Variants in PDXDC1 observed in about 807,000 individuals in gnomAD.
PDXDC1 encodes pyridoxal-dependent decarboxylase domain-containing protein 1.
In PDXDC1, 42 loss-of-function variants were observed where a neutral mutation model predicts 100.1. The ratio of observed to expected loss-of-function variants is 0.42; its 90% CI spans 0.33 to 0.54. The LOEUF is 0.54. PDXDC1 is among the 20% of genes least tolerant of loss of function. The pLI, the probability that PDXDC1 is intolerant of heterozygous loss-of-function variation, is 0.10. For missense variants in PDXDC1, 636 were observed against 979.2 expected, an observed-to-expected ratio of 0.65 and a Z score of 4.68; for synonymous variants, 260 against 371.7, an observed-to-expected ratio of 0.70 and a Z score of 3.46.
At chr16:14,999,776 A>C (rs1407321196) in intron 3 of PDXDC1, among the ~76,000 whole-genome samples, 7 of 152,284 alleles carry the variant, frequency 4.6e-5, no homozygotes, top group Admixed American at 2.0e-4. Context: ...CAAAAAAGTA[A>C]GTAGCTGACT....
chr16:15,037,950 A>AGGATCCAGATCTGGAT lies in PDXDC1; in HGVS notation c.*1676_*1691dup. The AGGATCCAGATCTGGAT allele has an allele frequency of 2.1e-6, 2 of 974,604 alleles. No homozygotes were observed. The highest frequency in any genetic ancestry group is 3.1e-5 in the South Asian group (2 of 64,948). 60.4% of individuals were successfully genotyped at this position (974,604 alleles called of 1,614,324 possible). A position where few individuals can be genotyped will look rare whatever the true frequency, so the allele number is the denominator to read the frequency against. ...AGGAGGCCTAAGACCCAACAGATGT[A>AGGATCCAGATCTGGAT]GGATCCAGATCTGGATTCGTGCCAG... is the stretch of plus-strand genomic sequence containing the variant. On this transcript the variant is annotated 3_prime_UTR_variant, in exon 23 of 23. Transcript: ENST00000396410.
Position 15,065,413 on chromosome 16 carries a change from C to T in PDXDC1, c.1399+35357C>T, listed in dbSNP as rs143358246. Reference sequence around the variant, plus strand: ...CAACACAGACAGAGGCATTAACATGCTGGAGTGACTCGGTGCAGATGTGAG... The same window carrying T: ...CAACACAGACAGAGGCATTAACATGTTGGAGTGACTCGGTGCAGATGTGAG... On this transcript the variant is annotated intron_variant, in intron 16 of 16. Coordinates refer to the PDXDC1 transcript ENST00000535621. The T allele has an allele frequency of 8.8e-6, 14 of 1,585,056 alleles. No homozygotes were observed. The African/African-American group carries it at 1.5e-4, about 17-fold the overall frequency.
chr16:15,073,592 T>C (rs2045331878), intron 16 of PDXDC1, among the ~76,000 whole-genome samples: 1 of 152,208 alleles, frequency 6.6e-6, no homozygotes, highest in South Asian at 2.1e-4. Flanking sequence ...TCACACACTG[T>C]GGCAAGGTCA....
chr16:15,129,550 G>C (rs2047940378), intron 16 of PDXDC1, among the ~76,000 whole-genome samples: 1 of 151,748 alleles, frequency 6.6e-6, no homozygotes, highest in Non-Finnish European at 1.5e-5. Flanking sequence ...GCCTCCGTCT[G>C]AGAGACGAGC....
intron 4 of PDXDC1, among the ~76,000 whole-genome samples, chr16:15,003,290 C>T (rs1278803616): frequency 1.3e-5 from 2 of 150,024 alleles, no homozygotes; most frequent in Non-Finnish European, 2.9e-5. Context: ...CATTTCGGCT[C>T]ACTTCAAGCT....
intron 22 of PDXDC1, 124 bp downstream of exon 22, chr16:15,035,677 CTT>C (rs1597713874): frequency 1.6e-6 from 1 of 607,664 alleles, no homozygotes; most frequent in East Asian, 2.9e-5. Context: ...ACTACCATCT[CTT>C]TAACCATCTT....
intron 16 of PDXDC1, chr16:15,060,159 C>G: frequency 2.4e-6 from 1 of 420,066 alleles, no homozygotes; most frequent in Non-Finnish European, 4.7e-6. Flanking sequence ...ATGTAAATGT[C>G]TTTCTACATT....
At chr16:15,082,557 C>A (rs2045752215) in intron 16 of PDXDC1, among the ~76,000 whole-genome samples, 1 of 151,886 alleles carries the variant, frequency 6.6e-6, no homozygotes, top group Non-Finnish European at 1.5e-5. Flanking sequence ...TCTATAGTCC[C>A]ACCTACTCGG....
chr16:15,019,597 A>G (rs1386865976), intron 12 of PDXDC1, among the ~76,000 whole-genome samples: 6 of 152,282 alleles, frequency 3.9e-5, no homozygotes, highest in African/African-American at 7.2e-5. Flanking sequence ...AGGAGATTCC[A>G]TGTCGGGCCC....
At chr16:15,041,518 A>T (rs1484033989), downstream of PDXDC1, 1 of 816,288 alleles carries the variant, frequency 1.2e-6, no homozygotes, top group Non-Finnish European at 2.2e-6. Flanking sequence ...GATGGTGGCC[A>T]AGCAGTGACA....
intron 16 of PDXDC1, among the ~76,000 whole-genome samples, chr16:15,122,954 C>G (rs1372108638): frequency 6.7e-6 from 1 of 149,650 alleles, no homozygotes; most frequent in South Asian, 2.2e-4. Flanking sequence ...GGGAAAGGAT[C>G]CGGTTCAAAT....
At chr16:14,979,990 C>T (rs1417839969) in intron 1 of PDXDC1, among the ~76,000 whole-genome samples, 1 of 152,292 alleles carries the variant, frequency 6.6e-6, no homozygotes, top group African/African-American at 2.4e-5. Flanking sequence ...AAAGCCAATT[C>T]CAATGTTACA....
the PDXDC1 span, among the ~76,000 whole-genome samples, chr16:15,145,146 G>A: frequency 6.6e-6 from 1 of 152,210 alleles, no homozygotes; most frequent in East Asian, 1.9e-4. Flanking sequence ...GGTCCAGAGT[G>A]TCAATGGAGG....
intron 16 of PDXDC1, chr16:15,085,594 G>C (rs1209008358): frequency 6.3e-7 from 1 of 1,599,226 alleles, no homozygotes; most frequent in African/African-American, 1.3e-5. Flanking sequence ...CTGGGATTAT[G>C]GGTGAAAGCT....
At chr16:15,024,965 ACCCTAG>A (rs1249537939) in intron 13 of PDXDC1, among the ~76,000 whole-genome samples, 1 of 152,310 alleles carries the variant, frequency 6.6e-6, no homozygotes, top group Non-Finnish European at 1.5e-5. Context: ...AACACCCAAG[ACCCTAG>A]CCCTGAAAGC....
chr16:15,087,027 A>G (rs1448866011), intron 16 of PDXDC1, among the ~76,000 whole-genome samples: 1 of 152,248 alleles, frequency 6.6e-6, no homozygotes, highest in East Asian at 1.9e-4. Flanking sequence ...TGTTCATAGT[A>G]ATTGTTAGTG....
chr16:15,040,514 T>A (rs1328206156), downstream of PDXDC1: 1 of 175,132 alleles, frequency 5.7e-6, no homozygotes, highest in Admixed American at 5.7e-5. Context: ...CAATCAAGTA[T>A]CACCGCTACA....
At position 15,117,527 on chromosome 16, in the gene PDXDC1, T is replaced by C. The variant is rs560021893; in HGVS notation, c.1400-21352T>C. Among the ~76,000 whole-genome samples, 1,438 of 151,558 alleles carry C rather than the reference T, an allele frequency of 9.5e-3. 12 individuals are homozygous for C. The highest frequency in any genetic ancestry group is 0.016 in the Non-Finnish European group (1,085 of 67,872). ...CAAAAATTAGCCAGGCGTGGTGGTC[T>C]ACTAAAAATACACAAATTAGCTGGG... On this transcript the variant is annotated intron_variant, in intron 16 of 16. Transcript: ENST00000535621.
chr16:15,127,627 A>T (rs1322911670), intron 16 of PDXDC1: 1 of 1,303,500 alleles, frequency 7.7e-7, no homozygotes, highest in Admixed American at 2.0e-5. Flanking sequence ...CACACAGGTG[A>T]GGCTGAGGGG....
Sources: gnomAD v4.1 joint callset for allele counts (sites outside exome capture counted in the v4.1 genomes callset) on GRCh38, gnomAD v4.1.1 for gene constraint, MANE v1.5 for transcripts, NCBI Gene and HGNC (gene_info 2026-07-23, HGNC 2026-07-21) for gene names.